The following GNG4 variants were observed in gnomAD, a reference collection of about 807,000 sequenced individuals.
GNG4 encodes the protein G protein subunit gamma 4, also known as guanine nucleotide-binding protein G(I)/G(S)/G(O) subunit gamma-4.
A neutral mutation model predicts 5.8 loss-of-function variants in GNG4; 4 were observed. The observed-to-expected ratio is 0.69, with a 90% confidence interval of 0.34 to 1.57. The LOEUF (loss-of-function observed/expected upper bound fraction) is 1.57, where lower values mean the gene tolerates loss of function less well. Ranked by LOEUF, GNG4 falls within the 40% of genes most tolerant of loss-of-function variation. GNG4 has a pLI of 0.06. For synonymous variants in GNG4, 29 were observed against 32.9 expected, an observed-to-expected ratio of 0.88 and a Z score of 0.41; for missense variants, 96 against 95.1, an observed-to-expected ratio of 1.01 and a Z score of -0.04.
At chr1:235,593,351 T>TCTGAC (rs1349461255) in intron 2 of GNG4, among the ~76,000 whole-genome samples, 2 of 152,218 alleles carry the variant, frequency 1.3e-5, no homozygotes, top group Non-Finnish European at 2.9e-5. Context: ...CCCCAGTGCT[T>TCTGAC]CTGACCTGAC....
chr1:235,553,044 C>T (rs1054693479), intron 3 of GNG4, among the ~76,000 whole-genome samples: 5 of 128,758 alleles, frequency 3.9e-5, no homozygotes, highest in African/African-American at 1.6e-4. Context: ...CAGGCATGAG[C>T]CACCGTGCCC....
chr1:235,621,745 C>T (rs1480168629), intron 1 of GNG4, among the ~76,000 whole-genome samples: 4 of 150,942 alleles, frequency 2.7e-5, no homozygotes, highest in African/African-American at 7.3e-5. Flanking sequence ...GGCATGATCA[C>T]GGCTCACTGC....
At chr1:235,637,762 ACCAGATGTCTG>A (rs1657171580) in intron 1 of GNG4, among the ~76,000 whole-genome samples, 1 of 152,172 alleles carries the variant, frequency 6.6e-6, no homozygotes, top group African/African-American at 2.4e-5. Context: ...CGGGCACTTA[ACCAGATGTCTG>A]CCCTTCACTA....
chr1:235,585,696 C>T (rs1380804389), intron 2 of GNG4, among the ~76,000 whole-genome samples: 1 of 152,126 alleles, frequency 6.6e-6, no homozygotes, highest in African/African-American at 2.4e-5. Context: ...TATTTACGGG[C>T]ATTTACATCT....
chr1:235,579,433 A>G (rs957573837), intron 3 of GNG4, among the ~76,000 whole-genome samples: 2 of 143,834 alleles, frequency 1.4e-5, no homozygotes, highest in Non-Finnish European at 3.1e-5. Context: ...TAAATACATT[A>G]ATAAAAAAAA....
chr1:235,629,778 G>T (rs1688895797), intron 1 of GNG4, among the ~76,000 whole-genome samples: 1 of 151,908 alleles, frequency 6.6e-6, no homozygotes, highest in Admixed American at 6.6e-5. Context: ...TTTTAGTAAA[G>T]ATGGGGTTTT....
chr1:235,578,454 T>C (rs976560918), intron 3 of GNG4, among the ~76,000 whole-genome samples: 5 of 152,200 alleles, frequency 3.3e-5, no homozygotes, highest in African/African-American at 1.2e-4. Flanking sequence ...AATCAGTATG[T>C]CAAAGAAAGA....
chr1:235,610,422 T>G lies in GNG4; in HGVS notation c.-122-14911A>C, dbSNP rs74746658. 4.2e-3 allele frequency among the ~76,000 whole-genome samples: 647 copies of G among 152,346 alleles called. 3 individuals carry two copies. Among genetic ancestry groups the G allele is most frequent in the Non-Finnish European group, 7.0e-3 (479 of 68,034 alleles). On this transcript the variant is annotated intron_variant, in intron 1 of 3. Coordinates refer to ENST00000391854, the MANE Select transcript of GNG4 (RefSeq NM_001098722.2). ...CTGTAGTTACTTTTTATTTTTGTAA[T>G]GAATAAGAATTTGTGGAAAGATACC...
At chr1:235,600,100 CTTTTTT>C (rs533853180) in intron 1 of GNG4, among the ~76,000 whole-genome samples, 179 of 43,130 alleles carry the variant, frequency 4.2e-3, no homozygotes, top group African/African-American at 7.5e-3. Context: ...CGGAAGAAAG[CTTTTTT>C]TTTTTTTTTT....
intron 1 of GNG4, among the ~76,000 whole-genome samples, chr1:235,603,453 A>T (rs1441356943): frequency 6.6e-6 from 1 of 151,842 alleles, no homozygotes; most frequent in Non-Finnish European, 1.5e-5. Flanking sequence ...GAATGTCCTG[A>T]CCCCTGAAGG....
At chr1:235,573,716 G>T (rs1371125725) in intron 3 of GNG4, among the ~76,000 whole-genome samples, 1 of 152,140 alleles carries the variant, frequency 6.6e-6, no homozygotes, top group African/African-American at 2.4e-5. Context: ...GGCGGAGGTT[G>T]CAGTGAGCCG....
At chr1:235,597,632 T>TA (rs1558491535) in intron 1 of GNG4, among the ~76,000 whole-genome samples, 10 of 30,968 alleles carry the variant, frequency 3.2e-4, no homozygotes, top group South Asian at 1.7e-3. Flanking sequence ...GTGTGTGTAT[T>TA]TTTTTTTTTT....
At chr1:235,565,316 C>A (rs1322425846) in intron 3 of GNG4, among the ~76,000 whole-genome samples, 1 of 152,054 alleles carries the variant, frequency 6.6e-6, no homozygotes, top group Non-Finnish European at 1.5e-5. Flanking sequence ...GCCTGGCCAA[C>A]ATGGTGAAAC....
At chr1:235,554,670 C>G (rs1383335463) in intron 3 of GNG4, among the ~76,000 whole-genome samples, 1 of 151,982 alleles carries the variant, frequency 6.6e-6, no homozygotes, top group South Asian at 2.1e-4. Flanking sequence ...ATGGTGAAAC[C>G]CCGTCTCTAC....
chr1:235,603,185 G>A (rs1688291036), intron 1 of GNG4, among the ~76,000 whole-genome samples: 1 of 152,020 alleles, frequency 6.6e-6, no homozygotes, highest in South Asian at 2.1e-4. Flanking sequence ...GGAGGTTGCA[G>A]TGAGCAGAGA....
intron 1 of GNG4, among the ~76,000 whole-genome samples, chr1:235,617,169 T>C (rs1688608300): frequency 6.6e-6 from 1 of 152,246 alleles, no homozygotes; most frequent in African/African-American, 2.4e-5. Context: ...TGGCTGGGCA[T>C]CCTGGACCTC....
At chr1:235,596,065 C>T (rs3001658) in intron 1 of GNG4, among the ~76,000 whole-genome samples, 107,074 of 151,880 alleles carry the variant, frequency 0.7, 39,508 homozygotes, top group African/African-American at 0.92. Flanking sequence ...TCCCAGCTAC[C>T]TGGGAGGCTG....
rs1343629111 is a variant in GNG4, at chr1:235,648,135, A to G, written c.-123+1527T>C. On this transcript the variant is annotated intron_variant, in intron 1 of 3. Transcript: ENST00000391854. The surrounding 1 kb of genome is among the most constrained non-coding windows in gnomAD (Gnocchi z 5.0). The stretch of plus-strand genomic sequence containing the variant: ...TTTCTGAGCCAGGCCTACATCCTCC[A>G]CTGGCTTCCTTGGGCGAATTTTAAG... Among the ~76,000 whole-genome samples the G allele has an allele frequency of 4.0e-5, 6 of 151,842 alleles. No homozygotes were observed. Among genetic ancestry groups the G allele is most frequent in the Admixed American group, 3.9e-4 (6 of 15,238 alleles).
At position 235,547,893 on chromosome 1, in the gene GNG4, G is replaced by C. The variant is rs1452778390; in HGVS notation, c.*4216C>G. 1 of 152,082 alleles carries C rather than the reference G, an allele frequency of 6.6e-6. No individual in the cohort carries two copies. 9.4% of individuals were successfully genotyped at this position (152,082 alleles called of 1,614,324 possible). Reference sequence around the variant, plus strand: ...TTAGGACTGATCTCTACTTGCAACCGCATGGATGAATTTTGCTGGGTTTTA... The same window carrying C: ...TTAGGACTGATCTCTACTTGCAACCCCATGGATGAATTTTGCTGGGTTTTA... On this transcript the variant is annotated 3_prime_UTR_variant, in exon 4 of 4. Transcript: ENST00000391854.
Sources: gnomAD v4.1 joint callset for allele counts (sites outside exome capture counted in the v4.1 genomes callset) on GRCh38, gnomAD v4.1.1 for gene constraint, Gnocchi (gnomAD v3.1) non-coding constraint, MANE v1.5 for transcripts, NCBI Gene and HGNC (gene_info 2026-07-23, HGNC 2026-07-21) for gene names.